Variants in EPAS1 observed in about 807,000 individuals in gnomAD.
EPAS1 encodes endothelial PAS domain-containing protein 1.
In EPAS1, 23 loss-of-function variants were observed where a neutral mutation model predicts 87.9. The ratio of observed to expected loss-of-function variants is 0.26; its 90% CI spans 0.19 to 0.37. EPAS1 has a LOEUF of 0.37. Among genes scored for constraint, EPAS1 ranks in the 10% least tolerant of loss-of-function variants. The pLI, the probability that EPAS1 is intolerant of heterozygous loss-of-function variation, is 1.00. For missense variants in EPAS1, 1,138 were observed against 1,120.7 expected, an observed-to-expected ratio of 1.02 and a Z score of -0.22; for synonymous variants, 508 against 444.3, an observed-to-expected ratio of 1.14 and a Z score of -1.80.
intron 1 of EPAS1, among the ~76,000 whole-genome samples, chr2:46,339,303 T>C (rs1683859980): frequency 6.6e-6 from 1 of 152,232 alleles, no homozygotes; most frequent in South Asian, 2.1e-4. Context: ...CCACGGCATT[T>C]TTAAAAAGGA....
rs1480587851 is a variant in EPAS1 at position 46,375,887 on chromosome 2, C to T, written c.1034+50C>T. ...CTTGGTGCAGGGTATGTGGGGGTGCCCAAGCTTCCCAGACTCAGGATGACA... is the reference window on the plus strand; with the variant it reads ...CTTGGTGCAGGGTATGTGGGGGTGCTCAAGCTTCCCAGACTCAGGATGACA... On this transcript the variant is annotated intron_variant, in intron 8 of 15. Coordinates refer to ENST00000263734, the MANE Select transcript of EPAS1 (RefSeq NM_001430.5). The surrounding 1 kb of genome is among the most constrained non-coding windows in gnomAD (Gnocchi z 4.1). 1 of 1,612,626 alleles carries T rather than the reference C, an allele frequency of 6.2e-7. No homozygotes were observed. Among genetic ancestry groups the T allele is most frequent in the South Asian group, 1.1e-5 (1 of 91,024 alleles).
rs567851666 is a variant in EPAS1, at chr2:46,369,905, C to T, written c.858C>T (p.Ser286=). The T allele has an allele frequency of 9.4e-5, 151 of 1,611,988 alleles. 2 individuals carry two copies. The South Asian group carries it at 1.1e-3, about 11-fold the overall frequency. Reference sequence around the variant, plus strand: ...ATGAATTCTACCATGCGCTAGACTCCGAGAACATGACCAAGAGTCACCAGA... The same window carrying T: ...ATGAATTCTACCATGCGCTAGACTCTGAGAACATGACCAAGAGTCACCAGA... ...SAYEFYHALD[S]ENMTKSHQNL... Residue 286 remains serine, a synonymous_variant, in exon 7 of 16, where the codon TCC becomes TCT. Coordinates refer to ENST00000263734, the MANE Select transcript of EPAS1 (RefSeq NM_001430.5).
intron 1 of EPAS1, among the ~76,000 whole-genome samples, chr2:46,332,613 A>T (rs1277187716): frequency 6.6e-6 from 1 of 152,148 alleles, no homozygotes; most frequent in East Asian, 1.9e-4. Context: ...GCTGTTCTTT[A>T]GCCCCACTTG....
At chr2:46,366,499 T>G (rs1684504615) in intron 6 of EPAS1, among the ~76,000 whole-genome samples, 1 of 152,036 alleles carries the variant, frequency 6.6e-6, no homozygotes, top group Non-Finnish European at 1.5e-5. Context: ...TGGCTGACTA[T>G]CTATCTGCAT....
chr2:46,331,607 A>G (rs1354133140), intron 1 of EPAS1, among the ~76,000 whole-genome samples: 3 of 152,364 alleles, frequency 2.0e-5, no homozygotes, highest in East Asian at 1.9e-4. Context: ...CGTCACTCCA[A>G]TGAAGCCAAA....
rs762559920 is a variant in EPAS1 at position 46,347,111 on chromosome 2, G to C, written c.217+48G>C. ...GGCTGGGCAGATGCCAGCCTTACCAGCATGTTCCTATATGCAGGGGACCCT... is the reference window on the plus strand; with the variant it reads ...GGCTGGGCAGATGCCAGCCTTACCACCATGTTCCTATATGCAGGGGACCCT... On this transcript the variant is annotated intron_variant, in intron 2 of 15. Coordinates refer to ENST00000263734, the MANE Select transcript of EPAS1 (RefSeq NM_001430.5). This position sits in a 1 kb window ranked among gnomAD's most constrained non-coding sequence, Gnocchi z 4.2. 6.2e-7 allele frequency: 1 copy of C among 1,609,116 alleles called. No homozygotes were observed. Among genetic ancestry groups the C allele is most frequent in the Non-Finnish European group, 8.5e-7 (1 of 1,175,556 alleles).
rs1684969406 is a variant in EPAS1, at chr2:46,384,577, T to C, written c.2530T>C (p.Cys844Arg). 6.2e-7 allele frequency: 1 copy of C among 1,614,062 alleles called. No individual in the cohort carries two copies. The highest frequency in any genetic ancestry group is 8.5e-7 in the Non-Finnish European group (1 of 1,180,038). ...GCTGCCCGAACTGACCAGATATGAC[T>C]GTGAGGTGAACGTGCCCGTGCTGGG... ...YLLPELTRYD[C>R]EVNVPVLGSS... The change falls in exon 16 of 16, where the codon TGT (cysteine) becomes CGT (arginine). Residue 844 changes from cysteine to arginine, a missense_variant. Around this residue, in one of 4 missense-constraint regions of EPAS1, gnomAD observed 502 missense variants for 427.1 expected, o/e 1.18. Transcript: ENST00000263734.
At position 46,381,957 on chromosome 2, in the gene EPAS1, T is replaced by G. The variant is rs1391581657; in HGVS notation, c.2173-18T>G. On this transcript the variant is annotated intron_variant, in intron 13 of 15. Transcript: ENST00000263734. ...TCTCTGGCCATTTCCCCTTTCCATC[T>G]GCCCTTCTTACTCCCAGGGGGACCC... The G allele has an allele frequency of 4.3e-6, 6 of 1,391,682 alleles. No homozygotes were observed. The highest frequency in any genetic ancestry group is 5.8e-6 in the Non-Finnish European group (6 of 1,034,368). The allele number at this position is 1,391,682 out of a possible 1,614,324, so 86.2% of individuals were successfully genotyped here. A position where few individuals can be genotyped will look rare whatever the true frequency, so the allele number is the denominator to read the frequency against.
At chr2:46,376,011 T>C (rs1684738493) in intron 8 of EPAS1, among the ~76,000 whole-genome samples, 174 bp downstream of exon 8, 1 of 152,136 alleles carries the variant, frequency 6.6e-6, no homozygotes, top group African/African-American at 2.4e-5. Context: ...TGTGGATGTC[T>C]TGGAACAGTG....
At position 46,329,594 on chromosome 2, in the gene EPAS1, C is replaced by T. The variant is rs576114634; in HGVS notation, c.27-17279C>T. On this transcript the variant is annotated intron_variant, in intron 1 of 15. Transcript: ENST00000263734. ...ATCCCAGCACTTTAGGAGGCCGAGGCGGGTGGATCATGAGGTCAGGAGTCC... is the reference window on the plus strand; with the variant it reads ...ATCCCAGCACTTTAGGAGGCCGAGGTGGGTGGATCATGAGGTCAGGAGTCC... Among the ~76,000 whole-genome samples the T allele has an allele frequency of 3.9e-5, 6 of 152,156 alleles. No homozygotes were observed. In the South Asian group the frequency reaches 8.3e-4, roughly 21 times the overall value.
At chr2:46,373,665 G>GGGC (rs1684673459) in intron 7 of EPAS1, among the ~76,000 whole-genome samples, 1 of 152,194 alleles carries the variant, frequency 6.6e-6, no homozygotes, top group Admixed American at 6.5e-5. Context: ...ATAAAAAATG[G>GGGC]GGTGGTGGGG....
At chr2:46,364,148 C>G (rs558941691) in intron 6 of EPAS1, among the ~76,000 whole-genome samples, 1 of 152,246 alleles carries the variant, frequency 6.6e-6, no homozygotes, top group Admixed American at 6.5e-5. Context: ...CTGCAAAAAC[C>G]AATGCCTGTC....
chr2:46,375,594 C>T lies in EPAS1; in HGVS notation c.887-96C>T, dbSNP rs1684727652. 2 of 1,473,282 alleles carry T rather than the reference C, an allele frequency of 1.4e-6. No homozygotes were observed. The highest frequency in any genetic ancestry group is 1.9e-6 in the Non-Finnish European group (2 of 1,076,360). The allele number at this position is 1,473,282 out of a possible 1,614,324, so 91.3% of individuals were successfully genotyped here. On this transcript the variant is annotated intron_variant, in intron 7 of 15. Transcript: ENST00000263734. The surrounding 1 kb of genome is among the most constrained non-coding windows in gnomAD (Gnocchi z 4.1). ...GTGGCGCCCTGTTCTGTCTGTTCCCCTGCAGATTAGACTGCCCTCCCATGC... is the reference window on the plus strand; with the variant it reads ...GTGGCGCCCTGTTCTGTCTGTTCCCTTGCAGATTAGACTGCCCTCCCATGC...
chr2:46,299,355 C>A (rs1262379228), intron 1 of EPAS1, among the ~76,000 whole-genome samples: 1 of 152,194 alleles, frequency 6.6e-6, no homozygotes, highest in African/African-American at 2.4e-5. Context: ...CCTTTCTCGT[C>A]ACCGTCGCGC....
chr2:46,323,216 A>C (rs1683486009), intron 1 of EPAS1, among the ~76,000 whole-genome samples: 1 of 152,176 alleles, frequency 6.6e-6, no homozygotes, highest in African/African-American at 2.4e-5. Flanking sequence ...TTTTTTTTTA[A>C]GCTGCTATAT....
At chr2:46,310,631 C>T (rs1683191376) in intron 1 of EPAS1, among the ~76,000 whole-genome samples, 1 of 152,182 alleles carries the variant, frequency 6.6e-6, no homozygotes, top group Non-Finnish European at 1.5e-5. Flanking sequence ...TTTTTCCCTC[C>T]TCGAGCAGGT....
At chr2:46,343,051 CATAG>C (rs138186850) in intron 1 of EPAS1, among the ~76,000 whole-genome samples, 3,024 of 152,256 alleles carry the variant, frequency 0.02, 62 homozygotes, top group African/African-American at 0.048. Flanking sequence ...CCACCTGCGG[CATAG>C]ATAGATACTG....
chr2:46,327,156 T>C (rs778862163), intron 1 of EPAS1, among the ~76,000 whole-genome samples: 1 of 152,228 alleles, frequency 6.6e-6, no homozygotes, highest in Non-Finnish European at 1.5e-5. Context: ...TTAGACTGGA[T>C]AAATGCTAAC....
intron 1 of EPAS1, among the ~76,000 whole-genome samples, chr2:46,344,558 G>A (rs1387841175): frequency 6.6e-6 from 1 of 152,112 alleles, no homozygotes; most frequent in Non-Finnish European, 1.5e-5. Context: ...CAGAATACTT[G>A]CAATTCTTTA....
Sources: allele counts gnomAD v4.1 joint callset (sites outside exome capture counted in the v4.1 genomes callset), GRCh38; gene constraint gnomAD v4.1.1; regional missense constraint gnomAD v4.1.1; non-coding constraint Gnocchi (gnomAD v3.1); transcripts MANE v1.5; gene names NCBI Gene and HGNC (gene_info 2026-07-23, HGNC 2026-07-21).